ARK2N: variants seen among roughly 807,000 people sequenced by gnomAD.
ARK2N encodes arkadia (RNF111) N-terminal like PKA signaling regulator 2N.
At chr18:46,255,789 G>T in the ARK2N span, among the ~76,000 whole-genome samples, 1 of 150,782 alleles carries the variant, frequency 6.6e-6, no homozygotes, top group Non-Finnish European at 1.5e-5. Flanking sequence ...TCCCTATTCC[G>T]GTGGGAAATA....
At chr18:46,184,676 T>C in the ARK2N span, among the ~76,000 whole-genome samples, 1,512 of 152,276 alleles carry the variant, frequency 9.9e-3, 27 homozygotes, top group African/African-American at 0.034. Context: ...GAGCTGTGAT[T>C]GTGCCACTAC....
chr18:46,208,296 G>A, the ARK2N span, among the ~76,000 whole-genome samples: 1 of 151,924 alleles, frequency 6.6e-6, no homozygotes, highest in Non-Finnish European at 1.5e-5. Context: ...TTGCAATCCA[G>A]GGAAAACATA....
the ARK2N span, among the ~76,000 whole-genome samples, chr18:46,177,275 G>T: frequency 2.0e-5 from 3 of 152,026 alleles, no homozygotes; most frequent in African/African-American, 7.2e-5. Context: ...TTTGTAAGGG[G>T]CTGGGCACAG....
chr18:46,215,766 A>C, the ARK2N span: 1 of 1,056,062 alleles, frequency 9.5e-7, no homozygotes, highest in East Asian at 2.4e-5. Flanking sequence ...GTGTTGACTA[A>C]ATAATCTGGC....
the ARK2N span, chr18:46,253,942 G>C: frequency 2.0e-4 from 243 of 1,203,944 alleles, 1 homozygote; most frequent in Non-Finnish European, 1.6e-4. Context: ...AATGATGGGA[G>C]TTCTTGGTTT....
chr18:46,191,740 C>T, the ARK2N span, among the ~76,000 whole-genome samples: 4 of 152,074 alleles, frequency 2.6e-5, no homozygotes, highest in Non-Finnish European at 5.9e-5. Context: ...GGGGTATGGG[C>T]AAATTTGCAA....
chr18:46,260,281 C>T, the ARK2N span, among the ~76,000 whole-genome samples: 1 of 152,226 alleles, frequency 6.6e-6, no homozygotes, highest in Non-Finnish European at 1.5e-5. Flanking sequence ...TAGTACCTTT[C>T]ATGGTGGCTT....
chr18:46,250,515 C>CACACACACACACACACACACAA, the ARK2N span, among the ~76,000 whole-genome samples: 1 of 151,608 alleles, frequency 6.6e-6, no homozygotes, highest in Non-Finnish European at 1.5e-5. Context: ...CACACACACA[C>CACACACACACACACACACACAA]AGTATTTTCC....
the ARK2N span, among the ~76,000 whole-genome samples, chr18:46,201,326 T>C: frequency 6.6e-6 from 1 of 152,200 alleles, no homozygotes; most frequent in Non-Finnish European, 1.5e-5. Context: ...ACTTTTCATA[T>C]AGGCTTTCAA....
the ARK2N span, among the ~76,000 whole-genome samples, chr18:46,257,582 G>A: frequency 8.5e-5 from 13 of 152,080 alleles, no homozygotes; most frequent in Non-Finnish European, 1.5e-5. Context: ...TTGCTAGTGA[G>A]ATGGAGACTT....
chr18:46,228,486 T>A, the ARK2N span, among the ~76,000 whole-genome samples: 2 of 152,206 alleles, frequency 1.3e-5, no homozygotes, highest in East Asian at 1.9e-4. Flanking sequence ...GGATCCATTC[T>A]GATTTTTATT....
At chr18:46,248,373 G>C in the ARK2N span, among the ~76,000 whole-genome samples, 2 of 152,294 alleles carry the variant, frequency 1.3e-5, no homozygotes, top group East Asian at 3.9e-4. Context: ...GTAGGAGGGT[G>C]AGCAGTGGGT....
At chr18:46,226,790 T>G in the ARK2N span, among the ~76,000 whole-genome samples, 3 of 152,032 alleles carry the variant, frequency 2.0e-5, no homozygotes, top group Middle Eastern at 3.4e-3. Flanking sequence ...TAAAACTGGG[T>G]TTTCCACTGG....
the ARK2N span, among the ~76,000 whole-genome samples, chr18:46,183,435 A>G: frequency 6.6e-6 from 1 of 152,198 alleles, no homozygotes; most frequent in South Asian, 2.1e-4. Flanking sequence ...GGAATACTTT[A>G]TAGATGGTAC....
chr18:46,194,260 T>C, the ARK2N span, among the ~76,000 whole-genome samples: 1 of 151,876 alleles, frequency 6.6e-6, no homozygotes, highest in African/African-American at 2.4e-5. Context: ...CCCTCTGGTT[T>C]CTTTTGATTT....
the ARK2N span, chr18:46,240,144 C>T: frequency 6.2e-7 from 1 of 1,614,166 alleles, no homozygotes; most frequent in Admixed American, 1.7e-5. Context: ...CAGGAGCTAC[C>T]TGGAGGACCA....
At chr18:46,210,175 G>A in the ARK2N span, among the ~76,000 whole-genome samples, 2 of 152,230 alleles carry the variant, frequency 1.3e-5, no homozygotes, top group African/African-American at 4.8e-5. Flanking sequence ...GACAGGTGAT[G>A]ATAGTCAATA....
At chr18:46,214,784 C>T in the ARK2N span, among the ~76,000 whole-genome samples, 1 of 152,136 alleles carries the variant, frequency 6.6e-6, no homozygotes, top group African/African-American at 2.4e-5. Context: ...TTTCTGGGTT[C>T]TGTATTTAGT....
chr18:46,214,079 A>T, the ARK2N span, among the ~76,000 whole-genome samples: 1 of 152,212 alleles, frequency 6.6e-6, no homozygotes, highest in Non-Finnish European at 1.5e-5. Context: ...CTTAATCAGA[A>T]TGCCTGTTTT....
Sources: allele counts gnomAD v4.1 joint callset (sites outside exome capture counted in the v4.1 genomes callset), GRCh38; gene constraint gnomAD v4.1.1; transcripts MANE v1.5; gene names NCBI Gene and HGNC (gene_info 2026-07-23, HGNC 2026-07-21).